The following PPL variants were observed in gnomAD, a reference collection of about 807,000 sequenced individuals.
The protein encoded by PPL is 190 kDa paraneoplastic pemphigus antigen.
A neutral mutation model predicts 194.4 loss-of-function variants in PPL; 198 were observed. The ratio of observed to expected loss-of-function variants is 1.02; its 90% confidence interval spans 0.91 to 1.15. The LOEUF (loss-of-function observed/expected upper bound fraction) is 1.15. Among genes scored for constraint, PPL ranks in the 50% most tolerant of loss-of-function variants. The probability of loss-of-function intolerance (pLI) is 0.00; values close to 1 mark genes in which losing one functional copy is unlikely to be tolerated. For synonymous variants in PPL, 1,220 were observed against 972.4 expected, an observed-to-expected ratio of 1.25 and a Z score of -4.74; for missense variants, 2,885 against 2,294.8, an observed-to-expected ratio of 1.26 and a Z score of -5.25.
At position 4,890,764 on chromosome 16, in the gene PPL, T is replaced by C. The variant is rs976825333; in HGVS notation, c.2126A>G (p.Gln709Arg). The change falls in exon 17 of 22, where the codon CAG (glutamine) becomes CGG (arginine). Residue 709 changes from glutamine to arginine, a missense_variant. Transcript: ENST00000345988. ...CTGCTGGCGCAGGTTGTTGAAACGCTGGCCCAGCTTGTGCACCTCGGCCTC... is the reference window on the plus strand; with the variant it reads ...CTGCTGGCGCAGGTTGTTGAAACGCCGGCCCAGCTTGTGCACCTCGGCCTC... ...RQEAEVHKLG[Q>R]RFNNLRQQVE... 17 of 1,609,384 alleles carry C rather than the reference T, an allele frequency of 1.1e-5. No homozygotes were observed. The highest frequency in any genetic ancestry group is 1.4e-5 in the Non-Finnish European group (16 of 1,178,460).
In PPL at chr16:4,890,317, C is replaced by G. The variant is rs775515535; in HGVS notation, c.2180G>C (p.Ser727Thr). 1 of 1,613,586 alleles carries G rather than the reference C, an allele frequency of 6.2e-7. No individual in the cohort carries two copies. Among genetic ancestry groups the G allele is most frequent in the South Asian group, 1.1e-5 (1 of 91,060 alleles). The change falls in exon 18 of 22, where the codon AGC becomes ACC. Residue 727 changes from serine (S) to threonine (T), a missense_variant. Ser to Thr is a moderately conservative substitution (Grantham distance 58). Coordinates refer to ENST00000345988, the MANE Select transcript of PPL (RefSeq NM_002705.5). ...QVERRAQSLQ[S>T]AKAAYEHFHR... Reference sequence around the variant, plus strand: ...GAAGTGCTCGTAGGCTGCCTTGGCGCTCTGTAGGCTCTGCGCCCTGTCAAG... The same window carrying G: ...GAAGTGCTCGTAGGCTGCCTTGGCGGTCTGTAGGCTCTGCGCCCTGTCAAG...
At chr16:4,933,854 T>C (rs544554622) in intron 1 of PPL, among the ~76,000 whole-genome samples, 2 of 152,314 alleles carry the variant, frequency 1.3e-5, no homozygotes, top group South Asian at 4.1e-4. Flanking sequence ...ATATCAAGTT[T>C]AACCCTGGGT....
At chr16:4,927,275 T>TA (rs1831355892) in intron 1 of PPL, among the ~76,000 whole-genome samples, 1 of 152,170 alleles carries the variant, frequency 6.6e-6, no homozygotes, top group Non-Finnish European at 1.5e-5. Flanking sequence ...AGGCAACTGA[T>TA]ACTGAAGAGA....
chr16:4,918,927 T>G (rs1446459635), intron 1 of PPL, among the ~76,000 whole-genome samples: 2 of 152,086 alleles, frequency 1.3e-5, no homozygotes, highest in African/African-American at 4.8e-5. Flanking sequence ...ATCTCGGTAA[T>G]GAGCCGCATC....
rs376944974 is a variant in PPL, at chr16:4,884,354, T to G, written c.4301A>C (p.Glu1434Ala). ...QQRLAALEQE[E>A]AEAREKVTHT... is the part of the protein sequence containing the mutation. ...GGTTACCTTCTCACGGGCCTCAGCT[T>G]CTTCCTGCTCCAGCGCTGCCAGCCG... is the stretch of plus-strand genomic sequence containing the variant. Residue 1434 changes from glutamate to alanine, a missense_variant, in exon 22 of 22, where the codon GAA (glutamate) becomes GCA (alanine). Glu to Ala is a moderately radical substitution (Grantham distance 107). Transcript: ENST00000345988. This position sits in a 1 kb window ranked among gnomAD's most constrained non-coding sequence, Gnocchi z 5.7. 2.2e-5 allele frequency: 35 copies of G among 1,612,318 alleles called. No homozygotes were observed. The highest frequency in any genetic ancestry group is 9.4e-5 in the African/African-American group (7 of 74,820).
intron 1 of PPL, among the ~76,000 whole-genome samples, chr16:4,911,385 C>G (rs1381687485): frequency 6.6e-6 from 1 of 152,126 alleles, no homozygotes; most frequent in Non-Finnish European, 1.5e-5. Flanking sequence ...TGGTCTTGAA[C>G]TCCTGACCTC....
At chr16:4,910,739 C>A in intron 2 of PPL, 111 bp downstream of exon 2, 1 of 960,626 alleles carries the variant, frequency 1.0e-6, no homozygotes, top group South Asian at 1.4e-5. Flanking sequence ...CATGTTCCCT[C>A]GGGGCCACAA....
intron 14 of PPL, 142 bp from the exon 15 acceptor site, chr16:4,892,355 C>T (rs982019977): frequency 2.7e-5 from 25 of 942,938 alleles, no homozygotes; most frequent in African/African-American, 1.7e-4. Context: ...GGCTCTGACC[C>T]GGCATCTGGA....
intron 2 of PPL, among the ~76,000 whole-genome samples, chr16:4,907,704 A>T (rs2142378502): frequency 6.6e-6 from 1 of 152,318 alleles, no homozygotes; most frequent in African/African-American, 2.4e-5. Flanking sequence ...ATTTTATGTT[A>T]TGTGAATCTC....
rs1365341053 is a variant in PPL, at chr16:4,883,824, T to TGGAGTCATGGTTGGTCCC, written c.4813_4830dup (p.Gly1605_Ser1610dup). The stretch of plus-strand genomic sequence containing the variant: ...AGTTCCCTCTCCAGGGACCACAGTC[T>TGGAGTCATGGTTGGTCCC]GGAGTCATGGTTGGTCCCAGAGTCC... On this transcript the variant is annotated inframe_insertion, in exon 22 of 22. Coordinates refer to ENST00000345988, the MANE Select transcript of PPL (RefSeq NM_002705.5). This position sits in a 1 kb window ranked among gnomAD's most constrained non-coding sequence, Gnocchi z 4.8. The TGGAGTCATGGTTGGTCCC allele has an allele frequency of 6.2e-7, 1 of 1,614,000 alleles. No individual in the cohort carries two copies. The highest frequency in any genetic ancestry group is 1.3e-5 in the African/African-American group (1 of 74,924).
Position 4,884,401 on chromosome 16 carries a change from G to C in PPL, c.4254C>G (p.Arg1418=). ...GCCGCTGCTGCAACCGCTGTACCTC[G>C]CGCTCGGCCTCCCTGCGGGCCTGCC... The part of the protein sequence containing the change: ...RERQARREAE[R]EVQRLQQRLA... The change falls in exon 22 of 22, where the codon CGC becomes CGG. Residue 1418 remains arginine, a synonymous_variant. Transcript: ENST00000345988. This position sits in a 1 kb window ranked among gnomAD's most constrained non-coding sequence, Gnocchi z 5.7. The C allele has an allele frequency of 1.2e-6, 2 of 1,608,408 alleles. No individual in the cohort carries two copies. Among genetic ancestry groups the C allele is most frequent in the Non-Finnish European group, 1.7e-6 (2 of 1,178,950 alleles).
At position 4,933,601 on chromosome 16, in the gene PPL, A is replaced by G. The variant is rs546704472; in HGVS notation, c.62+3383T>C. Among the ~76,000 whole-genome samples the G allele has an allele frequency of 5.3e-5, 8 of 152,296 alleles. No individual in the cohort carries two copies. The South Asian group carries it at 1.2e-3, about 24-fold the overall frequency. On this transcript the variant is annotated intron_variant, in intron 1 of 21. Coordinates refer to ENST00000345988, the MANE Select transcript of PPL (RefSeq NM_002705.5). ...TCTCACTTGAGGCCTGTCACAAAGT[A>G]TGTGAGTGGCCAGGGTGGAGACCTC... is the stretch of plus-strand genomic sequence containing the variant.
chr16:4,921,169 T>C (rs2089042501), intron 1 of PPL, among the ~76,000 whole-genome samples: 1 of 152,226 alleles, frequency 6.6e-6, no homozygotes, highest in African/African-American at 2.4e-5. Context: ...CCCATTTTCT[T>C]GGCCTGGTCT....
chr16:4,926,892 A>C (rs1044885612), intron 1 of PPL, among the ~76,000 whole-genome samples: 3 of 115,396 alleles, frequency 2.6e-5, no homozygotes, highest in Non-Finnish European at 3.8e-5. Context: ...AAAAAAAAAA[A>C]CAAAAAAAAA....
At chr16:4,889,967 C>T (rs1275008187) in intron 18 of PPL, among the ~76,000 whole-genome samples, 11 of 152,342 alleles carry the variant, frequency 7.2e-5, no homozygotes, top group African/African-American at 2.2e-4. Context: ...AGGCCCTGTG[C>T]GGGGCACTGA....
intron 1 of PPL, among the ~76,000 whole-genome samples, chr16:4,926,680 C>G (rs2089159367): frequency 6.6e-6 from 1 of 151,992 alleles, no homozygotes; most frequent in Non-Finnish European, 1.5e-5. Flanking sequence ...TTGAGACCAT[C>G]CTGGCTAACA....
At chr16:4,899,835 A>G (rs140774573) in intron 6 of PPL, among the ~76,000 whole-genome samples, 50 of 152,306 alleles carry the variant, frequency 3.3e-4, no homozygotes, top group Non-Finnish European at 5.9e-4. Context: ...CTGTATCATG[A>G]TCGTCTTATA....
At chr16:4,903,172 A>G (rs28565317) in intron 3 of PPL, among the ~76,000 whole-genome samples, 5,045 of 152,210 alleles carry the variant, frequency 0.033, 271 homozygotes, top group African/African-American at 0.11. Flanking sequence ...TGGGGCACCG[A>G]GAGAGCCCTG....
At chr16:4,922,928 T>G (rs1053912887) in intron 1 of PPL, among the ~76,000 whole-genome samples, 2 of 152,174 alleles carry the variant, frequency 1.3e-5, no homozygotes, top group East Asian at 1.9e-4. Flanking sequence ...CATATATGGG[T>G]AATGAGGTGT....
Sources: allele counts gnomAD v4.1 joint callset (sites outside exome capture counted in the v4.1 genomes callset), GRCh38; gene constraint gnomAD v4.1.1; non-coding constraint Gnocchi (gnomAD v3.1); transcripts MANE v1.5; gene names NCBI Gene and HGNC (gene_info 2026-07-23, HGNC 2026-07-21).